The following CSMD1 variants were observed in gnomAD, a reference collection of about 807,000 sequenced individuals.
The protein encoded by CSMD1 is CUB and Sushi multiple domains 1.
CSMD1 carries 213 observed loss-of-function variants against 417.5 expected under a neutral mutation model. The ratio of observed to expected loss-of-function variants is 0.51; its 90% CI spans 0.46 to 0.57. The LOEUF (loss-of-function observed/expected upper bound fraction) is 0.57, where lower values mean the gene tolerates loss of function less well. Among genes scored for constraint, CSMD1 ranks in the 20% least tolerant of loss-of-function variants. CSMD1 has a pLI of 0.00. For synonymous variants in CSMD1, 2,862 were observed against 1,736.8 expected, an observed-to-expected ratio of 1.65 and a Z score of -16.11; for missense variants, 6,923 against 4,529.7, an observed-to-expected ratio of 1.53 and a Z score of -15.17.
intron 2 of CSMD1, among the ~76,000 whole-genome samples, chr8:4,521,289 T>G (rs995626649): frequency 1.3e-5 from 2 of 152,074 alleles, no homozygotes; most frequent in Non-Finnish European, 2.9e-5. Context: ...GAAGAATGAA[T>G]TTTCCTTCCA....
At chr8:4,377,882 G>C (rs113075263) in intron 3 of CSMD1, among the ~76,000 whole-genome samples, 1 of 152,178 alleles carries the variant, frequency 6.6e-6, no homozygotes, top group African/African-American at 2.4e-5. Flanking sequence ...GAAATGAATT[G>C]AATTAGTATG....
chr8:4,021,057 T>A (rs1278705157), intron 4 of CSMD1, among the ~76,000 whole-genome samples: 1 of 152,178 alleles, frequency 6.6e-6, no homozygotes, highest in African/African-American at 2.4e-5. Flanking sequence ...AGTGACAGCA[T>A]CAGAGCTCTA....
chr8:3,577,733 TG>T (rs1423173336), intron 9 of CSMD1, among the ~76,000 whole-genome samples: 1 of 152,230 alleles, frequency 6.6e-6, no homozygotes, highest in Non-Finnish European at 1.5e-5. Flanking sequence ...ACTTTCTCAA[TG>T]TTTGCCTTTC....
intron 4 of CSMD1, among the ~76,000 whole-genome samples, chr8:4,027,082 G>C (rs1409380834): frequency 6.6e-6 from 1 of 152,166 alleles, no homozygotes; most frequent in Non-Finnish European, 1.5e-5. Flanking sequence ...GCCAGGATAG[G>C]TCGGCCACAG....
chr8:3,811,924 T>G (rs1361567747), intron 5 of CSMD1, among the ~76,000 whole-genome samples: 1 of 152,190 alleles, frequency 6.6e-6, no homozygotes, highest in East Asian at 1.9e-4. Context: ...AAAGCACATA[T>G]AGATAAAAGT....
At chr8:4,775,063 A>G (rs1463074688) in intron 1 of CSMD1, among the ~76,000 whole-genome samples, 2 of 152,232 alleles carry the variant, frequency 1.3e-5, no homozygotes, top group Non-Finnish European at 2.9e-5. Context: ...ATACAAGAGC[A>G]ACAGAAGGAA....
intron 7 of CSMD1, among the ~76,000 whole-genome samples, chr8:3,622,572 G>A (rs989900504): frequency 6.6e-6 from 1 of 152,198 alleles, no homozygotes; most frequent in Non-Finnish European, 1.5e-5. Flanking sequence ...CTAAAAAAAG[G>A]TTACTTAGTT....
chr8:3,591,557 A>AG (rs1800845896), intron 8 of CSMD1, among the ~76,000 whole-genome samples: 1 of 152,312 alleles, frequency 6.6e-6, no homozygotes, highest in East Asian at 1.9e-4. Flanking sequence ...GGGTTGACTT[A>AG]GCTGTCCGCT....
At chr8:4,250,555 T>G (rs1433091080) in intron 3 of CSMD1, among the ~76,000 whole-genome samples, 3 of 152,138 alleles carry the variant, frequency 2.0e-5, no homozygotes, top group Non-Finnish European at 4.4e-5. Flanking sequence ...AAGTTTAGAA[T>G]GGAAAGCTAA....
intron 24 of CSMD1, 49 bp from the exon 25 acceptor site, chr8:3,307,870 G>T (rs747881973): frequency 6.3e-7 from 1 of 1,583,688 alleles, no homozygotes; most frequent in Non-Finnish European, 8.6e-7. Context: ...GGCATCACAT[G>T]TTTCTATTTA....
At chr8:4,564,426 T>G (rs967437107) in intron 2 of CSMD1, among the ~76,000 whole-genome samples, 2 of 152,174 alleles carry the variant, frequency 1.3e-5, no homozygotes, top group African/African-American at 4.8e-5. Flanking sequence ...AAATTCAAGA[T>G]CAAGGTGCCA....
intron 6 of CSMD1, among the ~76,000 whole-genome samples, chr8:3,740,527 T>C (rs17067291): frequency 0.13 from 19,924 of 152,096 alleles, 1,419 homozygotes; most frequent in African/African-American, 0.18. Context: ...GGATGTGATA[T>C]ACAGACGGAA....
At chr8:4,865,030 G>A (rs1802345960) in intron 1 of CSMD1, among the ~76,000 whole-genome samples, 1 of 151,398 alleles carries the variant, frequency 6.6e-6, no homozygotes. Context: ...TTATTTTTGT[G>A]TTTGCTTTAT....
chr8:4,760,491 C>A (rs975633219), intron 1 of CSMD1, among the ~76,000 whole-genome samples: 2 of 152,104 alleles, frequency 1.3e-5, no homozygotes, highest in African/African-American at 4.8e-5. Flanking sequence ...GAATTAAAAC[C>A]CATTAATTTC....
rs1554483520 is a variant in CSMD1, at chr8:4,793,848, A to AG, written c.86-156291_86-156290insC. Reference sequence around the variant, plus strand: ...ACCCCAGAATAGGAAAAAAAAAAAAAAAAAACTCCTCTGATTAAAAGTTTG... The same window carrying AG: ...ACCCCAGAATAGGAAAAAAAAAAAAAGAAAAACTCCTCTGATTAAAAGTTTG... On this transcript the variant is annotated intron_variant, in intron 1 of 69. Transcript: ENST00000635120. Among the ~76,000 whole-genome samples the AG allele has an allele frequency of 8.4e-3, 1,270 of 151,568 alleles. 9 individuals are homozygous for AG. The highest frequency in any genetic ancestry group is 0.052 in the Middle Eastern group (15 of 290).
At chr8:3,253,449 C>A (rs1800420424) in intron 26 of CSMD1, among the ~76,000 whole-genome samples, 1 of 152,030 alleles carries the variant, frequency 6.6e-6, no homozygotes, top group Non-Finnish European at 1.5e-5. Context: ...TTACTTCCAA[C>A]TATGTGGTCA....
intron 7 of CSMD1, among the ~76,000 whole-genome samples, chr8:3,686,619 T>A (rs1799956926): frequency 6.6e-6 from 1 of 152,310 alleles, no homozygotes; most frequent in South Asian, 2.1e-4. Context: ...CACAGAAAAC[T>A]GAAGCCCAGG....
chr8:4,786,070 G>T (rs1388582557), intron 1 of CSMD1, among the ~76,000 whole-genome samples: 2 of 151,944 alleles, frequency 1.3e-5, no homozygotes, highest in Non-Finnish European at 2.9e-5. Flanking sequence ...ATAAAAATAC[G>T]AATAAAATGG....
intron 1 of CSMD1, among the ~76,000 whole-genome samples, chr8:4,869,141 G>C (rs1169387205): frequency 6.6e-6 from 1 of 151,748 alleles, no homozygotes; most frequent in Non-Finnish European, 1.5e-5. Flanking sequence ...TCAAATTTGT[G>C]ACACAAAATA....
Sources: gnomAD v4.1 joint callset for allele counts (sites outside exome capture counted in the v4.1 genomes callset) on GRCh38, gnomAD v4.1.1 for gene constraint, MANE v1.5 for transcripts, NCBI Gene and HGNC (gene_info 2026-07-23, HGNC 2026-07-21) for gene names.